Variants in ATG10 observed in about 807,000 individuals in gnomAD.
ATG10 encodes the protein ubiquitin-like-conjugating enzyme ATG10.
Under a neutral mutation model 32.1 loss-of-function variants are expected in ATG10, and 30 were observed. That is an observed-to-expected ratio of 0.94 (90% CI 0.70 to 1.27). The LOEUF (loss-of-function observed/expected upper bound fraction) is 1.27, where lower values mean the gene tolerates loss of function less well. ATG10 is among the 50% of genes most tolerant of loss of function. The pLI, the probability that ATG10 is intolerant of heterozygous loss-of-function variation, is 0.00. For synonymous variants in ATG10, 87 were observed against 91.5 expected, an observed-to-expected ratio of 0.95 and a Z score of 0.28; for missense variants, 233 against 262.3, an observed-to-expected ratio of 0.89 and a Z score of 0.77.
At chr5:82,142,410 ATTTGATGGGAGCTC>A (rs1206239376) in intron 3 of ATG10, among the ~76,000 whole-genome samples, 1 of 152,162 alleles carries the variant, frequency 6.6e-6, no homozygotes, top group Non-Finnish European at 1.5e-5. Context: ...CTAGGTGGGA[ATTTGATGGGAGCTC>A]TTCTTGGCTG....
chr5:82,082,209 T>C (rs1764508854), intron 3 of ATG10, among the ~76,000 whole-genome samples: 1 of 152,176 alleles, frequency 6.6e-6, no homozygotes, highest in Non-Finnish European at 1.5e-5. Flanking sequence ...TGATAGACTT[T>C]AGCTCCTGCC....
intron 3 of ATG10, among the ~76,000 whole-genome samples, chr5:82,129,400 G>T (rs1170398366): frequency 6.6e-6 from 1 of 151,938 alleles, no homozygotes; most frequent in Non-Finnish European, 1.5e-5. Context: ...GAGGAGTTGT[G>T]ATTTTTTGGA....
At chr5:82,180,272 G>T (rs1360586763) in intron 5 of ATG10, among the ~76,000 whole-genome samples, 1 of 152,050 alleles carries the variant, frequency 6.6e-6, no homozygotes, top group Non-Finnish European at 1.5e-5. Flanking sequence ...TACTCCTCTT[G>T]TGCAGTTTGT....
At chr5:82,158,151 C>T (rs1767882608) in intron 3 of ATG10, among the ~76,000 whole-genome samples, 8 of 152,068 alleles carry the variant, frequency 5.3e-5, no homozygotes. Flanking sequence ...AATGAGAGAT[C>T]ACTGTCAACT....
intron 2 of ATG10, among the ~76,000 whole-genome samples, chr5:82,052,050 T>C (rs1278526867): frequency 6.6e-6 from 1 of 152,180 alleles, no homozygotes; most frequent in Admixed American, 6.5e-5. Context: ...GTTTGATCAG[T>C]GCTGGCATTG....
intron 5 of ATG10, among the ~76,000 whole-genome samples, chr5:82,233,956 C>T (rs1298629664): frequency 6.6e-6 from 1 of 152,104 alleles, no homozygotes; most frequent in African/African-American, 2.4e-5. Context: ...GCTTATACAC[C>T]ATTTTAACAA....
rs574906574 is a variant in ATG10, at chr5:82,002,232, A to G, written c.108+14554A>G. 6.6e-5 allele frequency among the ~76,000 whole-genome samples: 10 copies of G among 152,346 alleles called. No homozygotes were observed. The South Asian group carries it at 1.0e-3, about 16-fold the overall frequency. Reference sequence around the variant, plus strand: ...AGCCATTGTGGAAAGCAGTTTGGCAATTTTCCAAAGAACTCAAAGCAGAAT... The same window carrying G: ...AGCCATTGTGGAAAGCAGTTTGGCAGTTTTCCAAAGAACTCAAAGCAGAAT... On this transcript the variant is annotated intron_variant, in intron 2 of 7. Transcript: ENST00000282185.
intron 5 of ATG10, among the ~76,000 whole-genome samples, chr5:82,250,713 C>T (rs1747223666): frequency 1.3e-5 from 2 of 152,198 alleles, no homozygotes; most frequent in African/African-American, 4.8e-5. Flanking sequence ...TGTTTATTGG[C>T]TGTCTCCTGC....
intron 5 of ATG10, among the ~76,000 whole-genome samples, chr5:82,206,774 A>G (rs1007993364): frequency 6.6e-6 from 1 of 152,184 alleles, no homozygotes; most frequent in Admixed American, 6.5e-5. Flanking sequence ...GTAAAATTAT[A>G]CCTACTCCCA....
intron 3 of ATG10, among the ~76,000 whole-genome samples, chr5:82,114,428 C>A (rs886596557): frequency 2.0e-5 from 3 of 152,002 alleles, no homozygotes; most frequent in African/African-American, 7.2e-5. Flanking sequence ...TTATACTATG[C>A]GTACTAAACC....
At chr5:82,088,558 G>A (rs938814985) in intron 3 of ATG10, among the ~76,000 whole-genome samples, 2 of 152,140 alleles carry the variant, frequency 1.3e-5, no homozygotes, top group African/African-American at 2.4e-5. Flanking sequence ...ACTAGAGTGC[G>A]TTCCTCCTTA....
chr5:82,090,070 A>G (rs1278695211), intron 3 of ATG10, among the ~76,000 whole-genome samples: 1 of 151,788 alleles, frequency 6.6e-6, no homozygotes, highest in Non-Finnish European at 1.5e-5. Context: ...CTTAAAAAAA[A>G]AAAACCCAAA....
At chr5:82,148,400 T>C (rs1767452730) in intron 3 of ATG10, among the ~76,000 whole-genome samples, 1 of 152,128 alleles carries the variant, frequency 6.6e-6, no homozygotes, top group African/African-American at 2.4e-5. Flanking sequence ...GGAGAAGCAT[T>C]ATCTCTTCTT....
intron 3 of ATG10, among the ~76,000 whole-genome samples, chr5:82,102,286 T>G (rs1238046025): frequency 6.6e-6 from 1 of 152,130 alleles, no homozygotes; most frequent in Admixed American, 6.6e-5. Context: ...TGGTATGTAT[T>G]TTGGATTTGT....
chr5:82,083,132 T>A (rs1039672179), intron 3 of ATG10, among the ~76,000 whole-genome samples: 4 of 152,324 alleles, frequency 2.6e-5, no homozygotes, highest in East Asian at 3.9e-4. Flanking sequence ...ACTCCAACCC[T>A]AATACTGTGC....
intron 4 of ATG10, among the ~76,000 whole-genome samples, chr5:82,168,397 C>T (rs888374420): frequency 2.0e-5 from 3 of 152,156 alleles, no homozygotes; most frequent in African/African-American, 7.2e-5. Flanking sequence ...TTCTCAGTCT[C>T]TATTGAAAAA....
At chr5:82,088,855 A>T (rs1326046289) in intron 3 of ATG10, among the ~76,000 whole-genome samples, 2 of 152,204 alleles carry the variant, frequency 1.3e-5, no homozygotes, top group African/African-American at 4.8e-5. Context: ...GAGCTGGAGT[A>T]CAAGAAATTA....
chr5:82,227,387 A>T (rs535110246), intron 5 of ATG10, among the ~76,000 whole-genome samples: 4 of 151,630 alleles, frequency 2.6e-5, no homozygotes, highest in Non-Finnish European at 5.9e-5. Context: ...TTTTATTATT[A>T]TTTTTTTGAG....
At chr5:82,158,700 A>G (rs1581753830) in intron 3 of ATG10, among the ~76,000 whole-genome samples, 1 of 152,120 alleles carries the variant, frequency 6.6e-6, no homozygotes, top group Non-Finnish European at 1.5e-5. Context: ...TGTATACCCA[A>G]ATCCTTTAAA....
Sources: allele counts gnomAD v4.1 joint callset (sites outside exome capture counted in the v4.1 genomes callset), GRCh38; gene constraint gnomAD v4.1.1; transcripts MANE v1.5; gene names NCBI Gene and HGNC (gene_info 2026-07-23, HGNC 2026-07-21).